Variants in KLF15 observed in about 807,000 individuals in gnomAD.
KLF15 encodes KLF transcription factor 15.
Under a neutral mutation model 24.6 loss-of-function variants are expected in KLF15, and 4 were observed. That is an observed-to-expected ratio of 0.16 (90% confidence interval 0.08 to 0.37). The LOEUF (loss-of-function observed/expected upper bound fraction) is 0.37. Ranked by LOEUF, KLF15 falls within the 10% of genes least tolerant of loss-of-function variation. The probability of loss-of-function intolerance (pLI) is 1.00; values close to 1 mark genes in which losing one functional copy is unlikely to be tolerated. For synonymous variants in KLF15, 246 were observed against 236.3 expected (o/e 1.04, Z -0.37); for missense variants, 496 against 560.6 (o/e 0.88, Z 1.16).
At chr3:126,330,514 T>C in the KLF15 span, among the ~76,000 whole-genome samples, 1 of 150,792 alleles carries the variant, frequency 6.6e-6, no homozygotes, top group Non-Finnish European at 1.5e-5. Context: ...ATCTTGTCCC[T>C]TCCTTTCCTA....
the KLF15 span, among the ~76,000 whole-genome samples, chr3:126,315,573 C>T: frequency 3.5e-4 from 53 of 152,068 alleles, no homozygotes; most frequent in South Asian, 4.8e-3. Context: ...AGGAGGAGAG[C>T]GGGAGGGGAG....
At chr3:126,328,855 G>A in the KLF15 span, among the ~76,000 whole-genome samples, 2 of 152,100 alleles carry the variant, frequency 1.3e-5, no homozygotes, top group African/African-American at 2.4e-5. Flanking sequence ...GTCTTTTACT[G>A]TAAGTTGCTA....
the KLF15 span, among the ~76,000 whole-genome samples, chr3:126,319,794 T>C: frequency 2.0e-5 from 3 of 152,216 alleles, no homozygotes; most frequent in Admixed American, 6.5e-5. Context: ...AATAATCTTT[T>C]CCTGTGGCCT....
the KLF15 span, among the ~76,000 whole-genome samples, chr3:126,310,252 C>T: frequency 6.6e-6 from 1 of 152,350 alleles, no homozygotes; most frequent in African/African-American, 2.4e-5. Flanking sequence ...ACATTTAAAC[C>T]ATAGCAAACC....
chr3:126,298,750 T>C, the KLF15 span, among the ~76,000 whole-genome samples: 1 of 152,158 alleles, frequency 6.6e-6, no homozygotes, highest in Non-Finnish European at 1.5e-5. Flanking sequence ...TGTTTTTGTA[T>C]GCATTGTTGA....
chr3:126,330,804 A>G, the KLF15 span, among the ~76,000 whole-genome samples: 10 of 152,304 alleles, frequency 6.6e-5, no homozygotes, highest in African/African-American at 2.4e-4. Context: ...TGATGTGACG[A>G]TGTTAGGAAA....
the KLF15 span, among the ~76,000 whole-genome samples, chr3:126,314,558 C>T: frequency 6.6e-6 from 1 of 152,192 alleles, no homozygotes; most frequent in Non-Finnish European, 1.5e-5. Flanking sequence ...TAGCTCCTGC[C>T]TCCCACACCT....
the KLF15 span, among the ~76,000 whole-genome samples, chr3:126,294,215 T>G: frequency 2.7e-3 from 416 of 152,356 alleles, 2 homozygotes; most frequent in Middle Eastern, 0.024. Context: ...GTGTGCCTTG[T>G]GCCTGGTCAT....
In KLF15 at chr3:126,343,365, G is replaced by C. The variant is rs1169029675; in HGVS notation, c.*362C>G. ...ATCTTCCCCTAGCACTAAAGTTCTG[G>C]CCTTGGCCCAGGATGGGGGAGCCCA... is the stretch of plus-strand genomic sequence containing the variant. On this transcript the variant is annotated 3_prime_UTR_variant, in exon 3 of 3. Transcript: ENST00000296233. 1 of 272,194 alleles carries C rather than the reference G, an allele frequency of 3.7e-6. No individual in the cohort carries two copies. Among genetic ancestry groups the C allele is most frequent in the Non-Finnish European group, 6.9e-6 (1 of 144,842 alleles). The allele number at this position is 272,194 out of a possible 1,614,324, so 16.9% of individuals were successfully genotyped here.
downstream of KLF15, among the ~76,000 whole-genome samples, chr3:126,337,645 G>T (rs1348934843): frequency 6.6e-6 from 1 of 152,130 alleles, no homozygotes; most frequent in Non-Finnish European, 1.5e-5. Context: ...GTTTCCTGGG[G>T]TGAAGGGTGG....
rs2082592631 is a variant in KLF15 at position 126,352,502 on chromosome 3, G to C, written c.421C>G (p.Leu141Val). Residue 141 changes from leucine (L) to valine (V), a missense_variant, in exon 2 of 3, where the codon CTG (leucine) becomes GTG (valine). By Grantham distance (32) the Leu-to-Val change is conservative. This residue lies in a region of KLF15 where 399 missense variants were observed against 423.1 expected (regional missense o/e 0.94). Transcript: ENST00000296233. The part of the protein sequence containing the change: ...DDVPRPFQPT[L>V]EEIEEFLEEN... ...TCCAGAAACTCTTCAATCTCCTCCA[G>C]GGTAGGCTGGAAGGGCCGTGGGACG... 1 of 1,613,344 alleles carries C rather than the reference G, an allele frequency of 6.2e-7. No homozygotes were observed. The highest frequency in any genetic ancestry group is 8.5e-7 in the Non-Finnish European group (1 of 1,180,034).
At chr3:126,305,382 G>C in the KLF15 span, among the ~76,000 whole-genome samples, 3 of 152,108 alleles carry the variant, frequency 2.0e-5, no homozygotes, top group Non-Finnish European at 4.4e-5. Flanking sequence ...TCATGATTAC[G>C]TTCTGACTTC....
the KLF15 span, among the ~76,000 whole-genome samples, chr3:126,294,323 C>T: frequency 1.3e-5 from 2 of 152,134 alleles, no homozygotes; most frequent in Non-Finnish European, 2.9e-5. Flanking sequence ...CAAAGAGATG[C>T]TTTAAGGCTA....
chr3:126,301,381 A>T, the KLF15 span, among the ~76,000 whole-genome samples: 64,134 of 151,916 alleles, frequency 0.42, 13,808 homozygotes, highest in African/African-American at 0.46. Context: ...CTCAAATCAG[A>T]TCTGCTCTTC....
At chr3:126,355,413 G>A (rs2082622075) in intron 1 of KLF15, among the ~76,000 whole-genome samples, 2 of 152,182 alleles carry the variant, frequency 1.3e-5, no homozygotes, top group South Asian at 4.1e-4. Context: ...TCTAGTCCAG[G>A]TGTGCTCACT....
At chr3:126,293,170 C>G in the KLF15 span, among the ~76,000 whole-genome samples, 1 of 139,128 alleles carries the variant, frequency 7.2e-6, no homozygotes, top group Non-Finnish European at 1.6e-5. Flanking sequence ...AAAAAATTAG[C>G]CAGGTGTGGT....
the KLF15 span, among the ~76,000 whole-genome samples, chr3:126,291,835 T>C: frequency 1.3e-5 from 2 of 152,218 alleles, no homozygotes; most frequent in Non-Finnish European, 2.9e-5. Flanking sequence ...TCAAATCTCA[T>C]GGCTGGGCCA....
the KLF15 span, among the ~76,000 whole-genome samples, chr3:126,323,419 A>G: frequency 1.1e-4 from 5 of 47,566 alleles, 1 homozygote; most frequent in Admixed American, 2.7e-4. Flanking sequence ...ATATATATAT[A>G]TATATATATA....
At chr3:126,331,976 C>A in the KLF15 span, among the ~76,000 whole-genome samples, 1 of 152,174 alleles carries the variant, frequency 6.6e-6, no homozygotes. Context: ...AACTGCAAGG[C>A]GCCAGCGAGG....
Sources: gnomAD v4.1 joint callset for allele counts (sites outside exome capture counted in the v4.1 genomes callset) on GRCh38, gnomAD v4.1.1 for gene constraint, gnomAD v4.1.1 regional missense constraint, MANE v1.5 for transcripts, NCBI Gene and HGNC (gene_info 2026-07-23, HGNC 2026-07-21) for gene names.